Variants in SLC44A5 observed in about 807,000 individuals in gnomAD.
The protein encoded by SLC44A5 is solute carrier family 44 member 5.
SLC44A5 carries 57 observed loss-of-function variants against 101.8 expected under a neutral mutation model. The ratio of observed to expected loss-of-function variants is 0.56; its 90% confidence interval spans 0.45 to 0.70. The LOEUF (loss-of-function observed/expected upper bound fraction) is 0.70, where lower values mean the gene tolerates loss of function less well. Among genes scored for constraint, SLC44A5 ranks in the 30% least tolerant of loss-of-function variants. The pLI, the probability that SLC44A5 is intolerant of heterozygous loss-of-function variation, is 0.00. For missense variants in SLC44A5, 737 were observed against 853.1 expected (o/e 0.86, Z 1.70); for synonymous variants, 281 against 290.9 (o/e 0.97, Z 0.35).
At chr1:75,712,713 A>AAAAAAGGAAAAAAAAAAAAAAAAAAAAC in the SLC44A5 span, among the ~76,000 whole-genome samples, 1 of 110,642 alleles carries the variant, frequency 9.0e-6, no homozygotes, top group Non-Finnish European at 1.8e-5. Context: ...AAAAAAAAAA[A>AAAAAAGGAAAAAAAAAAAAAAAAAAAAC]ATGGAAAAGA....
intron 1 of SLC44A5, among the ~76,000 whole-genome samples, chr1:75,543,659 A>G (rs1233775496): frequency 7.9e-6 from 1 of 126,560 alleles, no homozygotes; most frequent in Non-Finnish European, 1.6e-5. Context: ...ACACATATAT[A>G]CACACATATA....
At position 75,499,338 on chromosome 1, in the gene SLC44A5, C is replaced by T. The variant is rs540859137; in HGVS notation, c.13+42097G>A. Among the ~76,000 whole-genome samples the T allele has an allele frequency of 4.6e-5, 7 of 152,336 alleles. No homozygotes were observed. The South Asian group carries it at 6.2e-4, about 14-fold the overall frequency. Reference sequence around the variant, plus strand: ...GTGCACACAACATAGATCCCTCGCACGTGCAGTTCACAACAGGGTTTGTGC... The same window carrying T: ...GTGCACACAACATAGATCCCTCGCATGTGCAGTTCACAACAGGGTTTGTGC... On this transcript the variant is annotated intron_variant, in intron 2 of 23. Transcript: ENST00000370859.
chr1:75,293,478 T>C (rs1570595924), intron 5 of SLC44A5, among the ~76,000 whole-genome samples: 1 of 152,202 alleles, frequency 6.6e-6, no homozygotes, highest in Non-Finnish European at 1.5e-5. Flanking sequence ...CATTACTTTG[T>C]ATCCCTTAAA....
intron 1 of SLC44A5, among the ~76,000 whole-genome samples, chr1:75,596,020 G>C (rs752778479): frequency 7.2e-5 from 11 of 151,990 alleles, no homozygotes; most frequent in Non-Finnish European, 1.0e-4. Context: ...CATTCAAAAA[G>C]AACACTATTA....
chr1:75,633,403 T>C, the SLC44A5 span, among the ~76,000 whole-genome samples: 1 of 152,150 alleles, frequency 6.6e-6, no homozygotes, highest in Admixed American at 6.5e-5. Flanking sequence ...CATTGAGCAG[T>C]GGTTTGTAGT....
chr1:75,622,502 C>A, the SLC44A5 span, among the ~76,000 whole-genome samples: 2 of 151,292 alleles, frequency 1.3e-5, no homozygotes, highest in African/African-American at 4.9e-5. Flanking sequence ...GAAACCCCCC[C>A]AAAAAAAATA....
At chr1:75,599,960 C>G (rs1442581008) in intron 1 of SLC44A5, among the ~76,000 whole-genome samples, 3 of 152,042 alleles carry the variant, frequency 2.0e-5, no homozygotes, top group African/African-American at 7.2e-5. Flanking sequence ...GTGAAATGAC[C>G]AGATTTGTCT....
chr1:75,624,699 C>T, the SLC44A5 span, among the ~76,000 whole-genome samples: 5 of 152,076 alleles, frequency 3.3e-5, no homozygotes, highest in African/African-American at 1.2e-4. Context: ...TAAACTTCTT[C>T]CACTAGAAGA....
chr1:75,591,816 A>G (rs374412275), intron 1 of SLC44A5, among the ~76,000 whole-genome samples: 3 of 139,358 alleles, frequency 2.2e-5, no homozygotes, highest in African/African-American at 8.2e-5. Context: ...GCATTTTATA[A>G]CAGTCAACAT....
intron 13 of SLC44A5, among the ~76,000 whole-genome samples, chr1:75,225,413 A>G (rs1647175841): frequency 6.6e-6 from 1 of 152,202 alleles, no homozygotes; most frequent in South Asian, 2.1e-4. Flanking sequence ...ATTAAGCAAC[A>G]CATGACTATC....
intron 3 of SLC44A5, among the ~76,000 whole-genome samples, chr1:75,386,507 G>T (rs1333633124): frequency 6.6e-6 from 1 of 152,182 alleles, no homozygotes; most frequent in East Asian, 1.9e-4. Flanking sequence ...TACAAGGGAT[G>T]TGAAGGACGT....
intron 2 of SLC44A5, among the ~76,000 whole-genome samples, chr1:75,478,361 C>T (rs1039044714): frequency 6.6e-6 from 1 of 152,118 alleles, no homozygotes; most frequent in Non-Finnish European, 1.5e-5. Context: ...GCAAAATAAC[C>T]AGCTAACATC....
intron 2 of SLC44A5, among the ~76,000 whole-genome samples, chr1:75,406,466 A>C (rs1194401315): frequency 6.6e-6 from 1 of 152,218 alleles, no homozygotes; most frequent in African/African-American, 2.4e-5. Context: ...TCCTCAATAA[A>C]ATACTGGCAA....
chr1:75,329,899 C>T (rs1463560354), intron 4 of SLC44A5, among the ~76,000 whole-genome samples: 7 of 151,920 alleles, frequency 4.6e-5, no homozygotes, highest in Admixed American at 1.3e-4. Flanking sequence ...AAAATACTGC[C>T]GAAGATTCTC....
chr1:75,284,750 G>A (rs1230506193), intron 5 of SLC44A5, among the ~76,000 whole-genome samples: 1 of 152,052 alleles, frequency 6.6e-6, no homozygotes. Flanking sequence ...TGCTTTTCCT[G>A]TGTCTATTGA....
chr1:75,309,290 T>A (rs1570637528), intron 4 of SLC44A5, among the ~76,000 whole-genome samples: 1 of 152,250 alleles, frequency 6.6e-6, no homozygotes, highest in East Asian at 1.9e-4. Flanking sequence ...TAAAACATTT[T>A]AAAAATCAGC....
At chr1:75,577,165 T>C (rs1472019968) in intron 1 of SLC44A5, among the ~76,000 whole-genome samples, 1 of 152,230 alleles carries the variant, frequency 6.6e-6, no homozygotes, top group Non-Finnish European at 1.5e-5. Context: ...CTGATCCAAG[T>C]ACCATAATCC....
chr1:75,722,856 C>A, the SLC44A5 span, among the ~76,000 whole-genome samples: 1 of 152,212 alleles, frequency 6.6e-6, no homozygotes, highest in South Asian at 2.1e-4. Flanking sequence ...CAGTTGGCCA[C>A]ACTAACATTC....
intron 4 of SLC44A5, chr1:75,311,824 G>C (rs949114607): frequency 1.3e-5 from 2 of 152,320 alleles, no homozygotes; most frequent in African/African-American, 4.8e-5. Flanking sequence ...CCTGCATATA[G>C]AGGGTTCATA....
Sources: gnomAD v4.1 joint callset for allele counts (sites outside exome capture counted in the v4.1 genomes callset) on GRCh38, gnomAD v4.1.1 for gene constraint, MANE v1.5 for transcripts, NCBI Gene and HGNC (gene_info 2026-07-23, HGNC 2026-07-21) for gene names.